Variants in TFCP2 observed in about 807,000 individuals in gnomAD.
The protein encoded by TFCP2 is transcription factor CP2.
Under a neutral mutation model 73.4 loss-of-function variants are expected in TFCP2, and 33 were observed. That is an observed-to-expected ratio of 0.45 (90% CI 0.34 to 0.60). TFCP2 has a LOEUF of 0.60. TFCP2 is among the 20% of genes least tolerant of loss of function. The pLI is 0.01. For missense variants in TFCP2, 352 were observed against 604.0 expected, an observed-to-expected ratio of 0.58 and a Z score of 4.37; for synonymous variants, 193 against 211.6, an observed-to-expected ratio of 0.91 and a Z score of 0.76.
Position 51,104,170 on chromosome 12 carries a change from G to A in TFCP2, c.951C>T (p.Pro317=), listed in dbSNP as rs1021437659. ...TTAGACTTACATCTGTGACTGGAGGGGGTGGCTCTGGCTGGTGGTTTGGTG... is the reference window on the plus strand; with the variant it reads ...TTAGACTTACATCTGTGACTGGAGGAGGTGGCTCTGGCTGGTGGTTTGGTG... ...NGSPNHQPEP[P]PPVTDNLLPT... The change falls in exon 9 of 15, where the codon CCC becomes CCT. Residue 317 remains proline, a synonymous_variant. Coordinates refer to ENST00000257915, the MANE Select transcript of TFCP2 (RefSeq NM_005653.5). The A allele has an allele frequency of 3.7e-6, 6 of 1,613,932 alleles. No homozygotes were observed. The highest frequency in any genetic ancestry group is 5.1e-6 in the Non-Finnish European group (6 of 1,179,998).
rs376659071 is a variant in TFCP2 at position 51,111,003 on chromosome 12, T to G, written c.458-20A>C. On this transcript the variant is annotated intron_variant, in intron 4 of 14. Coordinates refer to ENST00000257915, the MANE Select transcript of TFCP2 (RefSeq NM_005653.5). ...GGATATCTGAGAAACAAAATGGTAA[T>G]CATTGAACAATTTTGAGGGCCACTC... 1 of 1,557,490 alleles carries G rather than the reference T, an allele frequency of 6.4e-7. No homozygotes were observed. Among genetic ancestry groups the G allele is most frequent in the Admixed American group, 1.7e-5 (1 of 59,896 alleles).
rs1939921866 is a variant in TFCP2, at chr12:51,095,103, A to G, written c.*138T>C. ...CACAGAGGGCCAGGATTCTGCCTCC[A>G]TGGCCTGGACTCCTCCACACACAGT... On this transcript the variant is annotated 3_prime_UTR_variant, in exon 15 of 15. Coordinates refer to ENST00000257915, the MANE Select transcript of TFCP2 (RefSeq NM_005653.5). 2 of 939,606 alleles carry G rather than the reference A, an allele frequency of 2.1e-6. No individual in the cohort carries two copies. The highest frequency in any genetic ancestry group is 2.4e-5 in the East Asian group (1 of 41,682). 58.2% of individuals were successfully genotyped at this position (939,606 alleles called of 1,614,324 possible). A position where few individuals can be genotyped will look rare whatever the true frequency, so the allele number is the denominator to read the frequency against.
At chr12:51,098,743 C>T in intron 13 of TFCP2, 33 bp downstream of exon 13, 1 of 1,612,454 alleles carries the variant, frequency 6.2e-7, no homozygotes, top group African/African-American at 1.3e-5. Context: ...AATTAATCAT[C>T]ATCTGGTAAT....
intron 1 of TFCP2, among the ~76,000 whole-genome samples, chr12:51,136,797 G>A (rs1034151054): frequency 2.6e-5 from 4 of 152,040 alleles, no homozygotes; most frequent in African/African-American, 4.8e-5. Flanking sequence ...ATAATTAGCC[G>A]GCATGGTGGC....
intron 1 of TFCP2, among the ~76,000 whole-genome samples, chr12:51,171,667 C>A (rs575741134): frequency 9.9e-5 from 15 of 152,160 alleles, no homozygotes; most frequent in Admixed American, 6.5e-5. Context: ...CGTGAGCCAC[C>A]GCACCCGGCC....
chr12:51,127,186 T>C lies in TFCP2; in HGVS notation c.123-8414A>G, dbSNP rs146620427. On this transcript the variant is annotated intron_variant, in intron 1 of 14. Coordinates refer to ENST00000257915, the MANE Select transcript of TFCP2 (RefSeq NM_005653.5). ...CTCAAAAGAAAACAACCAAGACAGA[T>C]AGGCAGGCAGAAGGGCAAGGGGCAC... is the stretch of plus-strand genomic sequence containing the variant. Among the ~76,000 whole-genome samples the C allele has an allele frequency of 1.8e-3, 268 of 151,876 alleles. 1 individual carries two copies. Among genetic ancestry groups the C allele is most frequent in the African/African-American group, 6.1e-3 (253 of 41,416 alleles).
intron 11 of TFCP2, among the ~76,000 whole-genome samples, chr12:51,101,146 A>G (rs1940101595): frequency 6.6e-6 from 1 of 152,070 alleles, no homozygotes; most frequent in Non-Finnish European, 1.5e-5. Context: ...TACTAAAAAA[A>G]TACAAAAAAT....
chr12:51,111,139 T>G (rs1480056056), intron 4 of TFCP2, among the ~76,000 whole-genome samples, 156 bp from the exon 5 acceptor site: 1 of 152,094 alleles, frequency 6.6e-6, no homozygotes, highest in Non-Finnish European at 1.5e-5. Flanking sequence ...TGTTGTTGTT[T>G]TTTATGGAGT....
chr12:51,120,262 G>A (rs1190894486), intron 1 of TFCP2, among the ~76,000 whole-genome samples: 1 of 147,798 alleles, frequency 6.8e-6, no homozygotes, highest in Non-Finnish European at 1.5e-5. Context: ...ATGAGTAAGA[G>A]AACGGATGTA....
chr12:51,158,346 C>T (rs189558267), intron 1 of TFCP2, among the ~76,000 whole-genome samples: 37 of 152,160 alleles, frequency 2.4e-4, no homozygotes, highest in African/African-American at 7.2e-4. Flanking sequence ...GTTATCTATT[C>T]GGTCTGTCAC....
chr12:51,133,155 T>G (rs1288502038), intron 1 of TFCP2, among the ~76,000 whole-genome samples: 4 of 151,960 alleles, frequency 2.6e-5, no homozygotes, highest in African/African-American at 9.7e-5. Flanking sequence ...AAAGGTACAT[T>G]CCAAAAGCCA....
Position 51,172,778 on chromosome 12 carries a change from G to T in TFCP2, c.-356C>A, listed in dbSNP as rs186114254. 23 of 182,178 alleles carry T rather than the reference G, an allele frequency of 1.3e-4. No homozygotes were observed. The highest frequency in any genetic ancestry group is 1.1e-3 in the Admixed American group (20 of 17,824). The allele number at this position is 182,178 out of a possible 1,614,324, so 11.3% of individuals were successfully genotyped here. A position where few individuals can be genotyped will look rare whatever the true frequency, so the allele number is the denominator to read the frequency against. On this transcript the variant is annotated 5_prime_UTR_variant, in exon 1 of 15. The change creates a new upstream start codon in the 5' untranslated region. Coordinates refer to ENST00000257915, the MANE Select transcript of TFCP2 (RefSeq NM_005653.5). ...GGCTTGCTGCTTCCCAGTCAGACCA[G>T]CAGCAGCCGCAGGAAGCCAGCCCGG... is the stretch of plus-strand genomic sequence containing the variant.
chr12:51,110,293 G>A (rs1940367362), intron 5 of TFCP2, among the ~76,000 whole-genome samples: 1 of 152,142 alleles, frequency 6.6e-6, no homozygotes, highest in Admixed American at 6.6e-5. Context: ...TCAAGGCCGG[G>A]CATGGTGGCT....
At chr12:51,163,996 G>A (rs1013855481) in intron 1 of TFCP2, among the ~76,000 whole-genome samples, 1 of 151,578 alleles carries the variant, frequency 6.6e-6, no homozygotes, top group Non-Finnish European at 1.5e-5. Flanking sequence ...CTTGAGGCCA[G>A]GAGTTCAAGG....
intron 8 of TFCP2, 109 bp downstream of exon 8, chr12:51,106,416 C>T (rs1367134546): frequency 7.7e-6 from 6 of 778,558 alleles, no homozygotes; most frequent in Admixed American, 3.1e-5. Context: ...CATCAAAGAA[C>T]GACCAAATAG....
chr12:51,116,846 A>G (rs1940539609), intron 3 of TFCP2, among the ~76,000 whole-genome samples: 1 of 152,054 alleles, frequency 6.6e-6, no homozygotes, highest in Admixed American at 6.6e-5. Context: ...CAAACTCCCA[A>G]CCTCAGGCGA....
intron 7 of TFCP2, 126 bp downstream of exon 7, chr12:51,107,110 A>G (rs555841763): frequency 2.6e-6 from 2 of 782,150 alleles, no homozygotes; most frequent in Non-Finnish European, 4.2e-6. Context: ...GCCGCTGGAC[A>G]CAGAATCCAT....
At chr12:51,109,339 T>C in intron 5 of TFCP2, 66 bp from the exon 6 acceptor site, 1 of 1,553,892 alleles carries the variant, frequency 6.4e-7, no homozygotes, top group African/African-American at 1.4e-5. Flanking sequence ...CAGTATTTTT[T>C]TAGCAACTAT....
chr12:51,143,559 C>A (rs1243817959), intron 1 of TFCP2, among the ~76,000 whole-genome samples: 1 of 151,918 alleles, frequency 6.6e-6, no homozygotes, highest in Non-Finnish European at 1.5e-5. Context: ...ATTTATTGAG[C>A]ACTTACTAGT....
Sources: gnomAD v4.1 joint callset for allele counts (sites outside exome capture counted in the v4.1 genomes callset) on GRCh38, gnomAD v4.1.1 for gene constraint, MANE v1.5 for transcripts, NCBI Gene and HGNC (gene_info 2026-07-23, HGNC 2026-07-21) for gene names.